TLR7: variants seen among roughly 807,000 people sequenced by gnomAD.
TLR7 encodes toll-like receptor 7.
In TLR7, 12 loss-of-function variants were observed where a neutral mutation model predicts 38.3. The observed-to-expected ratio is 0.31, with a 90% CI of 0.20 to 0.51. The LOEUF is 0.51. TLR7 is among the 20% of genes least tolerant of loss of function. The probability of loss-of-function intolerance (pLI) is 0.98; values close to 1 mark genes in which losing one functional copy is unlikely to be tolerated. For missense variants in TLR7, 504 were observed against 743.4 expected (o/e 0.68, Z 3.74); for synonymous variants, 285 against 293.8 (o/e 0.97, Z 0.31).
In TLR7 at chrX:12,887,979, G is replaced by A; in HGVS notation, c.2471G>A (p.Ser824Asn). ...GGGCCAGGAGCACACAAGGGCCAAAGTGTGATCTCCCTGGATCTGTACACC... is the reference window on the plus strand; with the variant it reads ...GGGCCAGGAGCACACAAGGGCCAAAATGTGATCTCCCTGGATCTGTACACC... ...CVGPGAHKGQ[S>N]VISLDLYTCE... The change falls in exon 3 of 3, where the codon AGT becomes AAT. Residue 824 changes from serine (S) to asparagine (N), a missense_variant. Coordinates refer to ENST00000380659, the MANE Select transcript of TLR7 (RefSeq NM_016562.4). The A allele has an allele frequency of 8.3e-7, 1 of 1,211,696 alleles. No homozygotes were observed.
chrX:12,874,625 T>G (rs2042864485), intron 2 of TLR7, among the ~76,000 whole-genome samples: 1 of 111,723 alleles, frequency 9.0e-6, no homozygotes, highest in African/African-American at 3.3e-5. Context: ...ACTCCAGAGT[T>G]TGTTGATGAG....
rs1272479346 is a variant in TLR7, at chrX:12,867,085, A to G, written c.-137A>G. 8.9e-6 allele frequency: 1 copy of G among 112,062 alleles called. No homozygotes were observed. Among genetic ancestry groups the G allele is most frequent in the Non-Finnish European group, 1.9e-5 (1 of 53,320 alleles). The allele number at this position is 112,062 out of a possible 1,213,427, so 9.2% of individuals were successfully genotyped here. ...CTGCCTCCCATCACTTCATCTCAGA[A>G]GACTCCAGATATAGGATCACTCCAT... On this transcript the variant is annotated 5_prime_UTR_variant, in exon 1 of 3. Coordinates refer to ENST00000380659, the MANE Select transcript of TLR7 (RefSeq NM_016562.4).
chrX:12,876,769 T>C (rs960876871), intron 2 of TLR7, among the ~76,000 whole-genome samples: 1 of 112,258 alleles, frequency 8.9e-6, no homozygotes. Flanking sequence ...ATTTTTACAA[T>C]AATTAGTTTG....
rs138079334 is a variant in TLR7 at position 12,888,564 on chromosome X, C to T, written c.3056C>T (p.Pro1019Leu). ...GSSVLEWPTN[P>L]QAHPYFWQCL... ...TCTGTCCTTGAGTGGCCAACAAACC[C>T]GCAAGCTCACCCATACTTCTGGCAG... The change falls in exon 3 of 3, where the codon CCG becomes CTG. Residue 1019 changes from proline (P) to leucine (L), a missense_variant. By Grantham distance (98) the Pro-to-Leu change is moderately conservative. Coordinates refer to ENST00000380659, the MANE Select transcript of TLR7 (RefSeq NM_016562.4). 3.1e-5 allele frequency: 37 copies of T among 1,209,665 alleles called. No individual in the cohort carries two copies. The highest frequency in any genetic ancestry group is 3.6e-5 in the Non-Finnish European group (32 of 895,129).
chrX:12,886,485 T>C lies in TLR7; in HGVS notation c.977T>C (p.Leu326Ser). 1 of 1,212,084 alleles carries C rather than the reference T, an allele frequency of 8.3e-7. No homozygotes were observed. Reference protein sequence around the residue: ...LQELDLSQNFLAKEIGDAKFL... With the variant: ...LQELDLSQNFSAKEIGDAKFL... ...GAACTGGATCTGTCCCAAAACTTCTTGGCCAAAGAAATTGGGGATGCTAAA... is the reference window on the plus strand; with the variant it reads ...GAACTGGATCTGTCCCAAAACTTCTCGGCCAAAGAAATTGGGGATGCTAAA... Residue 326 changes from leucine to serine, a missense_variant, in exon 3 of 3, where the codon TTG (leucine) becomes TCG (serine). By Grantham distance (145) the Leu-to-Ser change is moderately radical (BLOSUM62 -2). Transcript: ENST00000380659.
At chrX:12,883,582 T>A in intron 2 of TLR7, among the ~76,000 whole-genome samples, 1 of 111,480 alleles carries the variant, frequency 9.0e-6, no homozygotes, top group East Asian at 2.8e-4. Flanking sequence ...TTTGGGAGGC[T>A]GAGGTGGGAC....
intron 2 of TLR7, among the ~76,000 whole-genome samples, chrX:12,884,628 A>G (rs1240505619): frequency 8.9e-6 from 1 of 112,077 alleles, no homozygotes; most frequent in African/African-American, 3.2e-5. Context: ...CTTTATGGGT[A>G]GTTTCCCATA....
At chrX:12,873,403 A>G (rs1336730107) in intron 2 of TLR7, among the ~76,000 whole-genome samples, 2 of 112,400 alleles carry the variant, frequency 1.8e-5, no homozygotes, top group African/African-American at 6.5e-5. Context: ...GCTATAGTTG[A>G]GTGGAAATCT....
At chrX:12,880,079 A>AT (rs1306320541) in intron 2 of TLR7, among the ~76,000 whole-genome samples, 38 of 110,754 alleles carry the variant, frequency 3.4e-4, no homozygotes, top group Non-Finnish European at 6.3e-4. Context: ...TTAGATATGT[A>AT]TTTTTTTTTC....
At chrX:12,872,061 C>G (rs929460576) in intron 2 of TLR7, among the ~76,000 whole-genome samples, 1 of 111,063 alleles carries the variant, frequency 9.0e-6, no homozygotes, top group Non-Finnish European at 1.9e-5. Context: ...TGCAATCACA[C>G]TCTACTTCTC....
In TLR7 at chrX:12,888,857, ATC is replaced by A; in HGVS notation, c.*205_*206del. On this transcript the variant is annotated 3_prime_UTR_variant, in exon 3 of 3. Coordinates refer to ENST00000380659, the MANE Select transcript of TLR7 (RefSeq NM_016562.4). ...TATAATGCATCAAGTCTTCTTTCTT[ATC>A]TCTCTGTGTCTCTATTTGCACTTGA... 1 of 373,496 alleles carries A rather than the reference ATC, an allele frequency of 2.7e-6. No homozygotes were observed. The highest frequency in any genetic ancestry group is 4.5e-6 in the Non-Finnish European group (1 of 224,067). The allele number at this position is 373,496 out of a possible 1,213,427, so 30.8% of individuals were successfully genotyped here. A position where few individuals can be genotyped will look rare whatever the true frequency, so the allele number is the denominator to read the frequency against.
At chrX:12,885,013 G>A (rs903149955) in intron 2 of TLR7, among the ~76,000 whole-genome samples, 7 of 112,794 alleles carry the variant, frequency 6.2e-5, no homozygotes, top group Middle Eastern at 4.6e-3. Flanking sequence ...ATTGCTGAGC[G>A]ATGTCTTCAT....
chrX:12,875,944 C>G lies in TLR7; in HGVS notation c.3+8363C>G, dbSNP rs183303713. Among the ~76,000 whole-genome samples the G allele has an allele frequency of 3.7e-5, 4 of 107,449 alleles. No individual in the cohort carries two copies. In the East Asian group the frequency reaches 1.1e-3, roughly 30 times the overall value. The allele number at this position is 107,449 out of a possible 115,157, so 93.3% of individuals were successfully genotyped here. On this transcript the variant is annotated intron_variant, in intron 2 of 2. Coordinates refer to ENST00000380659, the MANE Select transcript of TLR7 (RefSeq NM_016562.4). ...TCCCTCAAGTTGGTCCCACTCAAAA[C>G]ATAAACACACCATTTTTTTTTTTTT...
chrX:12,888,199 T>A lies in TLR7; in HGVS notation c.2691T>A (p.Tyr897Ter), dbSNP rs141270925. 8.3e-7 allele frequency: 1 copy of A among 1,211,725 alleles called. No individual in the cohort carries two copies. Among genetic ancestry groups the A allele is most frequent in the Admixed American group, 2.2e-5 (1 of 46,033 alleles). ...GTTGCTATGATGCTTTTATTGTGTA[T>A]GACACTAAAGACCCAGCTGTGACCG... ...PDCCYDAFIV[Y>*]DTKDPAVTEW... Residue 897 changes from tyrosine to a stop codon, truncating the protein, a stop_gained, in exon 3 of 3, where the codon TAT becomes TAA. Coordinates refer to ENST00000380659, the MANE Select transcript of TLR7 (RefSeq NM_016562.4). LOFTEE classifies it high-confidence loss of function.
At chrX:12,874,977 T>C (rs937458609) in intron 2 of TLR7, among the ~76,000 whole-genome samples, 2 of 108,625 alleles carry the variant, frequency 1.8e-5, no homozygotes, top group African/African-American at 6.7e-5. Context: ...TTTTTTTTTC[T>C]ATTAGTAATT....
Position 12,885,985 on chromosome X carries a change from C to T in TLR7, c.477C>T (p.Asn159=). ...AGCTTCTCAGCCTTGAGGCCAACAA[C>T]ATCTTTTCCATCAGAAAAGAGAATC... ...SLQLLSLEAN[N]IFSIRKENLT... is the part of the protein sequence containing the mutation. The change falls in exon 3 of 3, where the codon AAC becomes AAT. Residue 159 remains asparagine, a synonymous_variant. Coordinates refer to ENST00000380659, the MANE Select transcript of TLR7 (RefSeq NM_016562.4). The T allele has an allele frequency of 1.7e-6, 2 of 1,212,049 alleles. No homozygotes were observed. Among genetic ancestry groups the T allele is most frequent in the Non-Finnish European group, 2.2e-6 (2 of 895,592 alleles).
chrX:12,881,423 A>G (rs188271527), intron 2 of TLR7, among the ~76,000 whole-genome samples: 46 of 107,045 alleles, frequency 4.3e-4, no homozygotes, highest in Non-Finnish European at 7.8e-4. Flanking sequence ...TAATAAATAA[A>G]TGAGTCATTT....
intron 2 of TLR7, among the ~76,000 whole-genome samples, chrX:12,879,334 G>A (rs1265134968): frequency 4.5e-5 from 5 of 111,963 alleles, no homozygotes; most frequent in African/African-American, 1.6e-4. Flanking sequence ...TTTTAGGTTC[G>A]CTCATGGACA....
chrX:12,884,395 C>T (rs1407414119), intron 2 of TLR7, among the ~76,000 whole-genome samples: 1 of 112,190 alleles, frequency 8.9e-6, no homozygotes, highest in Admixed American at 9.4e-5. Context: ...TGGACCACTC[C>T]ATGCGTAAGT....
Sources: gnomAD v4.1 joint callset for allele counts (sites outside exome capture counted in the v4.1 genomes callset) on GRCh38, gnomAD v4.1.1 for gene constraint, MANE v1.5 for transcripts, NCBI Gene and HGNC (gene_info 2026-07-23, HGNC 2026-07-21) for gene names.